The following KDM4C variants were observed in gnomAD, a reference collection of about 807,000 sequenced individuals.
The protein encoded by KDM4C is lysine-specific demethylase 4C.
Under a neutral mutation model 129.3 loss-of-function variants are expected in KDM4C, and 81 were observed. The observed-to-expected ratio is 0.63, with a 90% confidence interval of 0.52 to 0.75. The LOEUF (loss-of-function observed/expected upper bound fraction) is 0.75, where lower values mean the gene tolerates loss of function less well. KDM4C is among the 30% of genes least tolerant of loss of function. The pLI is 0.00. For missense variants in KDM4C, 1,457 were observed against 1,304.0 expected (o/e 1.12, Z -1.81); for synonymous variants, 573 against 456.1 (o/e 1.26, Z -3.26).
intron 8 of KDM4C, among the ~76,000 whole-genome samples, chr9:6,928,164 C>G (rs1331945343): frequency 2.6e-5 from 4 of 152,152 alleles, no homozygotes; most frequent in African/African-American, 9.7e-5. Flanking sequence ...TTACTCAACC[C>G]CTCACCCTCT....
chr9:6,737,570 A>C (rs1235530103), intron 1 of KDM4C, among the ~76,000 whole-genome samples: 1 of 149,814 alleles, frequency 6.7e-6, no homozygotes. Context: ...AGCCTGAGGC[A>C]GGAGAATCGC....
At chr9:7,009,837 G>A (rs1334480602) in intron 12 of KDM4C, among the ~76,000 whole-genome samples, 2 of 151,918 alleles carry the variant, frequency 1.3e-5, no homozygotes, top group Non-Finnish European at 2.9e-5. Flanking sequence ...CTACTTACAT[G>A]CAATTTTTTT....
At chr9:7,035,414 C>G (rs1292080056) in intron 15 of KDM4C, among the ~76,000 whole-genome samples, 1 of 148,494 alleles carries the variant, frequency 6.7e-6, no homozygotes, top group East Asian at 2.0e-4. Flanking sequence ...GAGTAGTTTG[C>G]AAATATTTTT....
At chr9:7,135,263 A>AT (rs1232672757) in intron 19 of KDM4C, among the ~76,000 whole-genome samples, 1 of 152,074 alleles carries the variant, frequency 6.6e-6, no homozygotes, top group Non-Finnish European at 1.5e-5. Flanking sequence ...CTTCAAATAT[A>AT]TACCTCCCTC....
intron 8 of KDM4C, among the ~76,000 whole-genome samples, chr9:6,911,010 A>G (rs1819198390): frequency 1.3e-5 from 2 of 152,354 alleles, no homozygotes; most frequent in South Asian, 4.1e-4. Context: ...TACAAATTAT[A>G]GAAAGATGTT....
chr9:6,728,812 C>G (rs184329659), intron 1 of KDM4C, among the ~76,000 whole-genome samples: 1 of 152,006 alleles, frequency 6.6e-6, no homozygotes, highest in South Asian at 2.1e-4. Flanking sequence ...TACCACCACA[C>G]TCCAGCCTAG....
chr9:7,112,892 T>C (rs7021692), intron 18 of KDM4C, among the ~76,000 whole-genome samples: 65,461 of 152,016 alleles, frequency 0.43, 14,508 homozygotes, highest in East Asian at 0.75. Context: ...GTTTTGCCGA[T>C]GATAGAATTG....
At chr9:6,902,211 T>A (rs1175424397) in intron 8 of KDM4C, among the ~76,000 whole-genome samples, 1 of 152,204 alleles carries the variant, frequency 6.6e-6, no homozygotes, top group African/African-American at 2.4e-5. Flanking sequence ...GTCTCTTTTC[T>A]CCAAGAATTA....
At chr9:6,943,689 A>T (rs79987831) in intron 8 of KDM4C, among the ~76,000 whole-genome samples, 38,107 of 151,328 alleles carry the variant, frequency 0.25, 5,354 homozygotes, top group South Asian at 0.42. Context: ...AAAAAAAAAA[A>T]GGTTGCACAA....
At chr9:6,932,248 C>T (rs116239306) in intron 8 of KDM4C, among the ~76,000 whole-genome samples, 3 of 152,258 alleles carry the variant, frequency 2.0e-5, no homozygotes, top group South Asian at 2.1e-4. Flanking sequence ...GAGTGGAAGC[C>T]GGAGTGCAGA....
chr9:6,813,116 A>C (rs1400217902), intron 3 of KDM4C, among the ~76,000 whole-genome samples: 1 of 152,184 alleles, frequency 6.6e-6, no homozygotes, highest in Admixed American at 6.5e-5. Flanking sequence ...CGGAGGTTTC[A>C]GTGAGCCGAG....
intron 4 of KDM4C, among the ~76,000 whole-genome samples, chr9:6,815,621 C>A (rs1395663622): frequency 6.6e-6 from 1 of 152,224 alleles, no homozygotes; most frequent in South Asian, 2.1e-4. Flanking sequence ...AAGCATCCTT[C>A]ATCCAGAAAT....
chr9:7,070,750 T>G (rs1833084535), intron 17 of KDM4C, among the ~76,000 whole-genome samples: 1 of 152,154 alleles, frequency 6.6e-6, no homozygotes, highest in South Asian at 2.1e-4. Flanking sequence ...CTGCGAACAT[T>G]AGACATAATG....
chr9:7,039,796 T>C (rs946764847), intron 15 of KDM4C, among the ~76,000 whole-genome samples: 3 of 152,088 alleles, frequency 2.0e-5, no homozygotes, highest in Non-Finnish European at 2.9e-5. Flanking sequence ...TTGAGTAGGC[T>C]GAAAAGGAAG....
At chr9:6,744,565 A>G (rs1324419812) in intron 1 of KDM4C, among the ~76,000 whole-genome samples, 1 of 152,100 alleles carries the variant, frequency 6.6e-6, no homozygotes, top group Non-Finnish European at 1.5e-5. Flanking sequence ...CTTAATTTTT[A>G]AAAATATTTA....
chr9:6,923,414 A>T (rs1312972334), intron 8 of KDM4C, among the ~76,000 whole-genome samples: 4 of 151,922 alleles, frequency 2.6e-5, no homozygotes. Context: ...CTGAGTGGCT[A>T]TCTTATGAGC....
chr9:7,174,503 T>G (rs1345271192), intron 21 of KDM4C, 50 bp from the exon 22 acceptor site: 1 of 1,568,040 alleles, frequency 6.4e-7, no homozygotes, highest in East Asian at 2.2e-5. Context: ...TCCAGTGTTC[T>G]GAAGATCAAA....
At chr9:7,027,695 G>T (rs1381911000) in intron 15 of KDM4C, among the ~76,000 whole-genome samples, 2 of 152,194 alleles carry the variant, frequency 1.3e-5, no homozygotes, top group Non-Finnish European at 1.5e-5. Flanking sequence ...GTTGTTGTGG[G>T]CCCAGGTGCG....
At chr9:6,867,244 G>T (rs1279164145) in intron 5 of KDM4C, among the ~76,000 whole-genome samples, 3 of 152,018 alleles carry the variant, frequency 2.0e-5, no homozygotes, top group Non-Finnish European at 2.9e-5. Flanking sequence ...TTGATCTCCT[G>T]ACCTCGTGAT....
Sources: allele counts gnomAD v4.1 joint callset (sites outside exome capture counted in the v4.1 genomes callset), GRCh38; gene constraint gnomAD v4.1.1; transcripts MANE v1.5; gene names NCBI Gene and HGNC (gene_info 2026-07-23, HGNC 2026-07-21).